Variants in CCDC60 observed in about 807,000 individuals in gnomAD.
CCDC60 encodes the protein coiled-coil domain containing 60.
Under a neutral mutation model 63.5 loss-of-function variants are expected in CCDC60, and 54 were observed. The ratio of observed to expected loss-of-function variants is 0.85; its 90% CI spans 0.68 to 1.07. The LOEUF is 1.07. Among genes scored for constraint, CCDC60 ranks in the 50% least tolerant of loss-of-function variants. The probability of loss-of-function intolerance (pLI) is 0.00; values close to 1 mark genes in which losing one functional copy is unlikely to be tolerated. For synonymous variants in CCDC60, 206 were observed against 238.8 expected (o/e 0.86, Z 1.27); for missense variants, 651 against 684.3 (o/e 0.95, Z 0.54).
chr12:119,452,809 G>A (rs992837946), intron 2 of CCDC60, among the ~76,000 whole-genome samples: 1 of 146,798 alleles, frequency 6.8e-6, no homozygotes, highest in African/African-American at 2.5e-5. Context: ...GTTAGAATTT[G>A]GCTTGTTTTT....
At chr12:119,383,616 A>G (rs1956031278) in intron 1 of CCDC60, among the ~76,000 whole-genome samples, 1 of 152,248 alleles carries the variant, frequency 6.6e-6, no homozygotes, top group African/African-American at 2.4e-5. Flanking sequence ...TGTGCAGAAA[A>G]TAGCATATCT....
chr12:119,486,593 C>T (rs533978771), intron 4 of CCDC60, among the ~76,000 whole-genome samples: 18 of 152,184 alleles, frequency 1.2e-4, no homozygotes, highest in South Asian at 8.3e-4. Flanking sequence ...GAATAGTAGG[C>T]GCTTAGTAGA....
chr12:119,468,385 G>C (rs1395321375), intron 2 of CCDC60, among the ~76,000 whole-genome samples: 1 of 152,136 alleles, frequency 6.6e-6, no homozygotes, highest in South Asian at 2.1e-4. Context: ...CCACTCATTT[G>C]CTTTTGCACA....
At chr12:119,513,721 A>G (rs1383147976) in intron 7 of CCDC60, among the ~76,000 whole-genome samples, 1 of 152,212 alleles carries the variant, frequency 6.6e-6, no homozygotes, top group Non-Finnish European at 1.5e-5. Context: ...ATTGCCTAAT[A>G]TATCTTAGCC....
Position 119,528,719 on chromosome 12 carries a change from G to A in CCDC60, c.1334G>A (p.Gly445Glu), listed in dbSNP as rs1203457987. Residue 445 changes from glycine to glutamate, a missense_variant, in exon 12 of 14, where the codon GGA (glycine) becomes GAA (glutamate). Coordinates refer to ENST00000327554, the MANE Select transcript of CCDC60 (RefSeq NM_178499.5). ...KMRHHISVVK[G>E]DAEEIADHWY... ...AGACATCACATATCTGTAGTAAAAGGAGATGCAGAAGAAATTGCAGACCAC... is the reference window on the plus strand; with the variant it reads ...AGACATCACATATCTGTAGTAAAAGAAGATGCAGAAGAAATTGCAGACCAC... The A allele has an allele frequency of 6.2e-7, 1 of 1,613,692 alleles. No homozygotes were observed. Among genetic ancestry groups the A allele is most frequent in the Non-Finnish European group, 8.5e-7 (1 of 1,179,876 alleles).
chr12:119,514,342 A>ATTT (rs34264020), intron 7 of CCDC60, among the ~76,000 whole-genome samples: 11 of 127,356 alleles, frequency 8.6e-5, no homozygotes, highest in African/African-American at 1.8e-4. Context: ...ACATCTGGCT[A>ATTT]TTTTTTTTTT....
At chr12:119,354,905 C>T (rs1955700617) in intron 1 of CCDC60, among the ~76,000 whole-genome samples, 2 of 152,158 alleles carry the variant, frequency 1.3e-5, no homozygotes, top group Admixed American at 6.5e-5. Flanking sequence ...TCTCCCAGTT[C>T]TGAAGATGGG....
intron 8 of CCDC60, among the ~76,000 whole-genome samples, chr12:119,517,235 C>T (rs994639960): frequency 2.6e-5 from 4 of 152,062 alleles, no homozygotes; most frequent in African/African-American, 7.2e-5. Flanking sequence ...CTTAAGTGAT[C>T]CTCCCACCTC....
At chr12:119,473,894 T>C (rs557587334) in intron 3 of CCDC60, among the ~76,000 whole-genome samples, 1 of 152,360 alleles carries the variant, frequency 6.6e-6, no homozygotes, top group East Asian at 1.9e-4. Flanking sequence ...ACTAGTTCTA[T>C]ATTTTTGCAA....
At chr12:119,424,263 CTT>C (rs960940755) in intron 1 of CCDC60, among the ~76,000 whole-genome samples, 21 of 152,186 alleles carry the variant, frequency 1.4e-4, no homozygotes, top group African/African-American at 5.1e-4. Context: ...GATCTACTAT[CTT>C]TACGTTTTGT....
chr12:119,499,778 C>T (rs74318344), intron 5 of CCDC60, among the ~76,000 whole-genome samples: 1 of 152,256 alleles, frequency 6.6e-6, no homozygotes, highest in African/African-American at 2.4e-5. Flanking sequence ...AATCGCAGAC[C>T]TGCCCAGGAT....
chr12:119,370,538 G>C (rs1024142231), intron 1 of CCDC60, among the ~76,000 whole-genome samples: 2 of 152,200 alleles, frequency 1.3e-5, no homozygotes, highest in African/African-American at 4.8e-5. Context: ...CTTTAAAACT[G>C]TACTTGAGGG....
chr12:119,479,402 G>A (rs750249320), intron 4 of CCDC60: 29 of 555,952 alleles, frequency 5.2e-5, no homozygotes, highest in Non-Finnish European at 6.5e-5. Context: ...TGGCAAATCA[G>A]CTGGGACTGA....
intron 1 of CCDC60, among the ~76,000 whole-genome samples, chr12:119,355,456 A>G (rs1955707111): frequency 2.0e-5 from 3 of 152,248 alleles, no homozygotes; most frequent in Admixed American, 1.3e-4. Context: ...TCATCAGAGC[A>G]GGAACAGCCA....
chr12:119,531,821 A>C (rs541344757), intron 13 of CCDC60, among the ~76,000 whole-genome samples: 7 of 152,214 alleles, frequency 4.6e-5, no homozygotes, highest in Non-Finnish European at 8.8e-5. Context: ...CCATCACCAG[A>C]AGAAGTTCCT....
intron 11 of CCDC60, among the ~76,000 whole-genome samples, chr12:119,526,780 T>C (rs910020447): frequency 3.3e-5 from 5 of 152,218 alleles, no homozygotes; most frequent in African/African-American, 1.2e-4. Flanking sequence ...GGTGAGGTCA[T>C]GGAGAAAAAG....
At chr12:119,338,905 G>T (rs1177467917) in intron 1 of CCDC60, among the ~76,000 whole-genome samples, 1 of 152,170 alleles carries the variant, frequency 6.6e-6, no homozygotes, top group Admixed American at 6.5e-5. Context: ...GAAGCCCTCT[G>T]AACTGGCCAT....
intron 1 of CCDC60, among the ~76,000 whole-genome samples, chr12:119,387,036 A>C (rs10849650): frequency 1.7e-5 from 1 of 57,310 alleles, no homozygotes; most frequent in Admixed American, 1.9e-4. Flanking sequence ...TGTCTCTCTC[A>C]CACACACACA....
At position 119,334,881 on chromosome 12, in the gene CCDC60, G is replaced by A. The variant is rs1592970851; in HGVS notation, c.-296G>A. The A allele has an allele frequency of 3.5e-6, 1 of 283,928 alleles. No individual in the cohort carries two copies. The highest frequency in any genetic ancestry group is 6.5e-6 in the Non-Finnish European group (1 of 154,522). The allele number at this position is 283,928 out of a possible 1,614,324, so 17.6% of individuals were successfully genotyped here. On this transcript the variant is annotated 5_prime_UTR_variant, in exon 1 of 14. Transcript: ENST00000327554. ...CATATTTTATTTTGCTTATAGAAGA[G>A]AAAGATATCCCTTCCGAAGAGGAGG...
Sources: allele counts gnomAD v4.1 joint callset (sites outside exome capture counted in the v4.1 genomes callset), GRCh38; gene constraint gnomAD v4.1.1; transcripts MANE v1.5; gene names NCBI Gene and HGNC (gene_info 2026-07-23, HGNC 2026-07-21).